FMN1: variants seen among roughly 807,000 people sequenced by gnomAD.
FMN1 encodes the protein formin-1.
Under a neutral mutation model 132.4 loss-of-function variants are expected in FMN1, and 110 were observed. That is an observed-to-expected ratio of 0.83 (90% CI 0.71 to 0.97). The LOEUF (loss-of-function observed/expected upper bound fraction) is 0.97. FMN1 is among the 50% of genes least tolerant of loss of function. The pLI is 0.00. For synonymous variants in FMN1, 722 were observed against 651.7 expected, an observed-to-expected ratio of 1.11 and a Z score of -1.64; for missense variants, 1,792 against 1,705.3, an observed-to-expected ratio of 1.05 and a Z score of -0.90.
chr15:33,179,548 T>G (rs923281323), intron 3 of FMN1, among the ~76,000 whole-genome samples: 1 of 152,176 alleles, frequency 6.6e-6, no homozygotes, highest in Non-Finnish European at 1.5e-5. Flanking sequence ...CCGTCACTGT[T>G]GAGTCCCTTT....
intron 16 of FMN1, among the ~76,000 whole-genome samples, chr15:32,881,828 C>T (rs947368356): frequency 1.3e-5 from 2 of 152,160 alleles, no homozygotes; most frequent in South Asian, 2.1e-4. Flanking sequence ...AATTCCCTTA[C>T]CTTCTCATCT....
chr15:33,044,326 G>A (rs1031482115), intron 6 of FMN1, among the ~76,000 whole-genome samples: 1 of 152,246 alleles, frequency 6.6e-6, no homozygotes, highest in Non-Finnish European at 1.5e-5. Flanking sequence ...TCAAGCTGGG[G>A]AAGGTCTGAA....
At chr15:33,008,506 GA>G (rs112765908) in intron 6 of FMN1, among the ~76,000 whole-genome samples, 10,140 of 149,142 alleles carry the variant, frequency 0.068, 376 homozygotes, top group South Asian at 0.098. Context: ...TTTCAAAAAA[GA>G]AAAAAAAAAT....
chr15:32,843,124 T>C (rs567644908), intron 17 of FMN1, among the ~76,000 whole-genome samples: 5 of 109,060 alleles, frequency 4.6e-5, no homozygotes, highest in African/African-American at 6.1e-5. Flanking sequence ...CGAAACTCTG[T>C]CTCAAAAAGA....
At chr15:32,992,557 A>G (rs1446250082) in intron 7 of FMN1, among the ~76,000 whole-genome samples, 2 of 152,224 alleles carry the variant, frequency 1.3e-5, no homozygotes, top group African/African-American at 4.8e-5. Flanking sequence ...CAAACTTAAG[A>G]AAAAGGACTG....
intron 14 of FMN1, 165 bp downstream of exon 14, chr15:32,899,814 T>A: frequency 1.4e-6 from 1 of 719,156 alleles, no homozygotes; most frequent in Non-Finnish European, 2.3e-6. Flanking sequence ...AAACTCTTTA[T>A]TCGAAAGTGA....
intron 4 of FMN1, among the ~76,000 whole-genome samples, chr15:33,126,809 T>C (rs1007246450): frequency 1.2e-4 from 19 of 152,334 alleles, no homozygotes; most frequent in African/African-American, 3.4e-4. Context: ...CCCGAACTCT[T>C]TTCGATCCGC....
chr15:32,983,088 A>G (rs1054819480), intron 7 of FMN1, among the ~76,000 whole-genome samples: 1 of 152,192 alleles, frequency 6.6e-6, no homozygotes, highest in Non-Finnish European at 1.5e-5. Flanking sequence ...TGATGAATAC[A>G]TTGCCCAAAA....
chr15:32,952,645 A>G (rs974283324), intron 9 of FMN1, among the ~76,000 whole-genome samples: 4 of 152,214 alleles, frequency 2.6e-5, no homozygotes, highest in African/African-American at 7.2e-5. Context: ...TGATGTGATA[A>G]TTAGGCGGCC....
chr15:33,088,155 A>T (rs146226773), intron 5 of FMN1, among the ~76,000 whole-genome samples: 6 of 152,142 alleles, frequency 3.9e-5, no homozygotes, highest in Middle Eastern at 3.2e-3. Flanking sequence ...AATCCCCACT[A>T]AAGAACTTAT....
At chr15:32,896,547 G>A (rs2060161697) in intron 15 of FMN1, among the ~76,000 whole-genome samples, 1 of 152,034 alleles carries the variant, frequency 6.6e-6, no homozygotes, top group Non-Finnish European at 1.5e-5. Context: ...CATCTTACGT[G>A]ACTGAAACGC....
chr15:32,891,979 T>TA (rs1427371400), intron 15 of FMN1, among the ~76,000 whole-genome samples: 5 of 152,258 alleles, frequency 3.3e-5, no homozygotes, highest in African/African-American at 9.6e-5. Context: ...GTTTTCAAGG[T>TA]AAACAATCAT....
chr15:32,858,237 C>T (rs1012093876), intron 16 of FMN1, among the ~76,000 whole-genome samples: 7 of 152,136 alleles, frequency 4.6e-5, no homozygotes, highest in African/African-American at 9.7e-5. Context: ...CATCTCAGAA[C>T]GTATACTGCA....
At position 32,774,186 on chromosome 15, in the gene FMN1, G is replaced by T; in HGVS notation, c.*124C>A. On this transcript the variant is annotated 3_prime_UTR_variant, in exon 21 of 21. Transcript: ENST00000616417. ...CACTCTCTGCAGATGACCTCAGAAA[G>T]AGATGAGCAAAAACAAACATTTAGT... 1 of 770,618 alleles carries T rather than the reference G, an allele frequency of 1.3e-6. No homozygotes were observed. The highest frequency in any genetic ancestry group is 2.2e-6 in the Non-Finnish European group (1 of 454,816). 47.7% of individuals were successfully genotyped at this position (770,618 alleles called of 1,614,324 possible). A position where few individuals can be genotyped will look rare whatever the true frequency, so the allele number is the denominator to read the frequency against.
rs1205672354 is a variant in FMN1 at position 33,154,958 on chromosome 15, G to T, written c.-44C>A. 1.4e-6 allele frequency: 2 copies of T among 1,472,200 alleles called. No homozygotes were observed. The allele number at this position is 1,472,200 out of a possible 1,614,324, so 91.2% of individuals were successfully genotyped here. On this transcript the variant is annotated 5_prime_UTR_variant, in exon 4 of 21. Transcript: ENST00000616417. ...CATGCCTTGGAGATGCCGGTTTGTG[G>T]TCAGGCTTCCCAGGCTCCAGTGGTG...
rs373313020 is a variant in FMN1 at position 32,787,629 on chromosome 15, CT to C, written c.4131-10711del. Among the ~76,000 whole-genome samples the C allele has an allele frequency of 9.9e-5, 15 of 152,260 alleles. 1 individual carries two copies. The South Asian group carries it at 1.0e-3, about 11-fold the overall frequency. On this transcript the variant is annotated intron_variant, in intron 19 of 20. Transcript: ENST00000616417. ...GCTTTGGGAGGCTGAGGCAGGACTG[CT>C]TGAGGCTAGGAGTTCAAGGCCAGCC...
chr15:33,180,766 T>TC (rs1481920559), intron 2 of FMN1, among the ~76,000 whole-genome samples: 1 of 147,790 alleles, frequency 6.8e-6, no homozygotes, highest in Non-Finnish European at 1.5e-5. Context: ...TTTTTTTTTT[T>TC]AAGACAGAGT....
chr15:32,942,977 A>AG (rs2140450943), intron 9 of FMN1, among the ~76,000 whole-genome samples: 1 of 152,346 alleles, frequency 6.6e-6, no homozygotes, highest in East Asian at 1.9e-4. Flanking sequence ...AATGATATAC[A>AG]GGTCGAGCAT....
intron 4 of FMN1, among the ~76,000 whole-genome samples, chr15:33,122,006 G>A (rs1213579268): frequency 6.6e-6 from 1 of 152,132 alleles, no homozygotes; most frequent in African/African-American, 2.4e-5. Flanking sequence ...AATATGAAGA[G>A]GACACGATCT....
Sources: gnomAD v4.1 joint callset for allele counts (sites outside exome capture counted in the v4.1 genomes callset) on GRCh38, gnomAD v4.1.1 for gene constraint, MANE v1.5 for transcripts, NCBI Gene and HGNC (gene_info 2026-07-23, HGNC 2026-07-21) for gene names.